MON2: variants seen among roughly 807,000 people sequenced by gnomAD.
MON2 encodes MON2 regulator of endosome-to-Golgi trafficking, also known as protein MON2 homolog.
Under a neutral mutation model 208.6 loss-of-function variants are expected in MON2, and 84 were observed. The observed-to-expected ratio is 0.40, with a 90% CI of 0.34 to 0.48. The LOEUF is 0.48. Among genes scored for constraint, MON2 ranks in the 20% least tolerant of loss-of-function variants. The pLI, the probability that MON2 is intolerant of heterozygous loss-of-function variation, is 0.59. For synonymous variants in MON2, 660 were observed against 694.0 expected (o/e 0.95, Z 0.77); for missense variants, 1,611 against 2,015.4 (o/e 0.80, Z 3.84).
intron 2 of MON2, among the ~76,000 whole-genome samples, chr12:62,492,869 C>T (rs12809279): frequency 0.38 from 56,560 of 150,646 alleles, 10,794 homozygotes; most frequent in African/African-American, 0.43. Context: ...ATCCCAGCTA[C>T]TTGGGAGGCT....
chr12:62,524,738 G>C, intron 9 of MON2, 99 bp downstream of exon 9: 1 of 1,177,582 alleles, frequency 8.5e-7, no homozygotes, highest in Non-Finnish European at 1.2e-6. Flanking sequence ...AAGACTTTTG[G>C]TATTTATTCC....
At chr12:62,537,109 A>G (rs1442163885) in intron 14 of MON2, 42 bp from the exon 15 acceptor site, 3 of 1,216,974 alleles carry the variant, frequency 2.5e-6, no homozygotes, top group Non-Finnish European at 3.4e-6. Flanking sequence ...AATGCAATAT[A>G]AAAATATATT....
At chr12:62,590,784 G>A (rs1282836622) in intron 34 of MON2, among the ~76,000 whole-genome samples, 1 of 152,110 alleles carries the variant, frequency 6.6e-6, no homozygotes, top group African/African-American at 2.4e-5. Flanking sequence ...AGGTTTAAAC[G>A]ATTCTCCAGC....
chr12:62,555,809 A>G (rs2073944459), intron 24 of MON2, among the ~76,000 whole-genome samples, 185 bp from the exon 25 acceptor site: 1 of 60,844 alleles, frequency 1.6e-5, no homozygotes, highest in African/African-American at 6.6e-5. Flanking sequence ...ACTCCATCTA[A>G]AAAAAAAAAA....
intron 8 of MON2, among the ~76,000 whole-genome samples, chr12:62,515,655 A>C (rs369304885): frequency 6.6e-6 from 1 of 152,168 alleles, no homozygotes; most frequent in Non-Finnish European, 1.5e-5. Flanking sequence ...TCTACTAAAA[A>C]TACAAAAAAA....
At chr12:62,534,530 AAAAAAAAAAAAAATAT>A (rs1430736852) in intron 12 of MON2, among the ~76,000 whole-genome samples, 3 of 39,354 alleles carry the variant, frequency 7.6e-5, no homozygotes, top group African/African-American at 2.6e-4. Flanking sequence ...AAAAAAAAAA[AAAAAAAAAAAAAATAT>A]ATATATATAT....
rs755722523 is a variant in MON2 at position 62,561,036 on chromosome 12, A to T, written c.3955A>T (p.Ile1319Phe). The T allele has an allele frequency of 2.5e-6, 4 of 1,613,240 alleles. No individual in the cohort carries two copies. The highest frequency in any genetic ancestry group is 2.2e-5 in the South Asian group (2 of 91,054). ...AATAAGTTCAGATGCATCCCCTTTTATTCTTCCATCTTATACCGAAGCAGT... is the reference window on the plus strand; with the variant it reads ...AATAAGTTCAGATGCATCCCCTTTTTTTCTTCCATCTTATACCGAAGCAGT... ...VPISSDASPF[I>F]LPSYTEAVLT... The change falls in exon 26 of 35, where the codon ATT becomes TTT. Residue 1319 changes from isoleucine to phenylalanine, a missense_variant. Physicochemically the swap from Ile to Phe is conservative, Grantham distance 21. Coordinates refer to ENST00000393630, the MANE Select transcript of MON2 (RefSeq NM_015026.3).
At chr12:62,585,088 C>A (rs2075158300) in intron 32 of MON2, among the ~76,000 whole-genome samples, 1 of 109,690 alleles carries the variant, frequency 9.1e-6, no homozygotes, top group Non-Finnish European at 1.9e-5. Flanking sequence ...CACACACACA[C>A]ACACACACAC....
chr12:62,496,161 A>C (rs1383607140), intron 4 of MON2, among the ~76,000 whole-genome samples: 4 of 152,046 alleles, frequency 2.6e-5, no homozygotes, highest in African/African-American at 9.7e-5. Context: ...TTTTAACTGC[A>C]AATAGTTTAT....
chr12:62,537,641 A>T lies in MON2; in HGVS notation c.2053A>T (p.Asn685Tyr). ...KNIQCMRTLL[N>Y]LAHCHGAVLG... ...TATCCAGTGTATGAGGACTTTACTT[A>T]ACTTGGCGCATTGCCATGGGGCTGT... The change falls in exon 16 of 35, where the codon AAC becomes TAC. Residue 685 changes from asparagine (N) to tyrosine (Y), a missense_variant. Physicochemically the swap from Asn to Tyr is moderately radical, Grantham distance 143 (BLOSUM62 -2). Transcript: ENST00000393630. The T allele has an allele frequency of 6.2e-7, 1 of 1,613,258 alleles. No homozygotes were observed. Among genetic ancestry groups the T allele is most frequent in the Non-Finnish European group, 8.5e-7 (1 of 1,179,672 alleles).
At chr12:62,517,119 C>T (rs979532021) in intron 8 of MON2, among the ~76,000 whole-genome samples, 2 of 152,150 alleles carry the variant, frequency 1.3e-5, no homozygotes, top group African/African-American at 2.4e-5. Flanking sequence ...ACCACTTCCT[C>T]ACTTGTTCCC....
chr12:62,588,823 T>A, intron 34 of MON2: 1 of 1,333,612 alleles, frequency 7.5e-7, no homozygotes, highest in South Asian at 1.4e-5. Flanking sequence ...TCTTCCCAAA[T>A]TTTTTCAACC....
chr12:62,470,457 T>G (rs2068739377), intron 1 of MON2, among the ~76,000 whole-genome samples: 1 of 152,214 alleles, frequency 6.6e-6, no homozygotes, highest in Non-Finnish European at 1.5e-5. Flanking sequence ...TTTTTTTCTA[T>G]TTTTCTTAGT....
At chr12:62,544,498 C>G (rs561929126) in intron 20 of MON2, among the ~76,000 whole-genome samples, 107 of 152,016 alleles carry the variant, frequency 7.0e-4, no homozygotes, top group Middle Eastern at 3.4e-3. Context: ...CATGAGCTTT[C>G]CCCCCATTTT....
chr12:62,512,964 C>G (rs2071488942), intron 8 of MON2, among the ~76,000 whole-genome samples: 1 of 152,190 alleles, frequency 6.6e-6, no homozygotes. Flanking sequence ...ACGGCCCGAG[C>G]TCTATGTTGA....
intron 7 of MON2, among the ~76,000 whole-genome samples, chr12:62,505,052 T>C (rs2071031764): frequency 6.6e-6 from 1 of 152,198 alleles, no homozygotes; most frequent in African/African-American, 2.4e-5. Flanking sequence ...ATGTCTTCTT[T>C]TCTAGAAAAA....
chr12:62,549,765 G>A lies in MON2; in HGVS notation c.2851G>A (p.Val951Ile). The A allele has an allele frequency of 6.2e-7, 1 of 1,612,610 alleles. No individual in the cohort carries two copies. Among genetic ancestry groups the A allele is most frequent in the Non-Finnish European group, 8.5e-7 (1 of 1,179,186 alleles). ...PCTCLQIVVD[V>I]AGSFGLHNQE... ...TACTTGCCTGCAAATAGTTGTAGAT[G>A]TTGCAGGTAGCTTTGGCCTCCATAA... is the stretch of plus-strand genomic sequence containing the variant. The change falls in exon 23 of 35, where the codon GTT (valine) becomes ATT (isoleucine). Residue 951 changes from valine to isoleucine, a missense_variant. Transcript: ENST00000393630.
rs749470162 is a variant in MON2, at chr12:62,525,190, A to T, written c.1216A>T (p.Thr406Ser). ...ACAGTCCTTGTTTCTTGTCCCCCCT[A>T]CTGGAAATCCTGCAACAAGCAACCA... is the stretch of plus-strand genomic sequence containing the variant. Reference protein sequence around the residue: ...FIQSLFLVPPTGNPATSNQAG... With the variant: ...FIQSLFLVPPSGNPATSNQAG... Residue 406 changes from threonine to serine, a missense_variant, in exon 10 of 35, where the codon ACT (threonine) becomes TCT (serine). Transcript: ENST00000393630. 1 of 1,613,164 alleles carries T rather than the reference A, an allele frequency of 6.2e-7. No homozygotes were observed. Among genetic ancestry groups the T allele is most frequent in the African/African-American group, 1.3e-5 (1 of 74,856 alleles).
intron 8 of MON2, among the ~76,000 whole-genome samples, chr12:62,520,101 A>G (rs1158962654): frequency 6.6e-6 from 1 of 152,232 alleles, no homozygotes; most frequent in Non-Finnish European, 1.5e-5. Flanking sequence ...TGCGTGAGCC[A>G]CCACACCCTG....
Sources: allele counts gnomAD v4.1 joint callset (sites outside exome capture counted in the v4.1 genomes callset), GRCh38; gene constraint gnomAD v4.1.1; transcripts MANE v1.5; gene names NCBI Gene and HGNC (gene_info 2026-07-23, HGNC 2026-07-21).